DNAJC1: variants seen among roughly 807,000 people sequenced by gnomAD.
DNAJC1 encodes the protein dnaJ homolog subfamily C member 1.
In DNAJC1, 58 loss-of-function variants were observed where a neutral mutation model predicts 76.6. The observed-to-expected ratio is 0.76, with a 90% CI of 0.61 to 0.94. DNAJC1 has a LOEUF of 0.94. Among genes scored for constraint, DNAJC1 ranks in the 40% least tolerant of loss-of-function variants. The pLI is 0.00. For missense variants in DNAJC1, 689 were observed against 677.3 expected (o/e 1.02, Z -0.19); for synonymous variants, 258 against 267.9 (o/e 0.96, Z 0.36).
rs1277641057 is a variant in DNAJC1 at position 21,882,201 on chromosome 10, C to A, written c.978+81G>T. The A allele has an allele frequency of 3.1e-6, 4 of 1,302,646 alleles. No homozygotes were observed. The Admixed American group carries it at 1.1e-4, about 37-fold the overall frequency. 80.7% of individuals were successfully genotyped at this position (1,302,646 alleles called of 1,614,324 possible). On this transcript the variant is annotated intron_variant, in intron 8 of 11. Transcript: ENST00000376980. The stretch of plus-strand genomic sequence containing the variant: ...TTGTGAAGTGCAATAAAACAAAGCA[C>A]TATATCGTGAGCTAACCCTGTATTT...
At chr10:21,991,600 A>G (rs1333502949) in intron 1 of DNAJC1, among the ~76,000 whole-genome samples, 1 of 152,198 alleles carries the variant, frequency 6.6e-6, no homozygotes, top group Non-Finnish European at 1.5e-5. Flanking sequence ...CCCTAACAAA[A>G]TGGAAACAAT....
chr10:21,799,976 T>C lies in DNAJC1; in HGVS notation c.1098+6004A>G, dbSNP rs941465285. ...CTTTACTTTGGAGACATCTTATCCA[T>C]AGAAAGTTTAAAGATCTGTGTATGC... On this transcript the variant is annotated intron_variant, in intron 9 of 11. Transcript: ENST00000376980. 7.9e-5 allele frequency among the ~76,000 whole-genome samples: 12 copies of C among 152,154 alleles called. 1 individual carries two copies. Among genetic ancestry groups the C allele is most frequent in the South Asian group, 4.1e-4 (2 of 4,832 alleles).
intron 8 of DNAJC1, among the ~76,000 whole-genome samples, chr10:21,834,294 C>T (rs1221875025): frequency 8.6e-5 from 13 of 151,908 alleles, no homozygotes; most frequent in Admixed American, 8.5e-4. Flanking sequence ...GAAAGAGGGG[C>T]TCCCCAGTGA....
At chr10:21,853,346 T>A (rs1047144636) in intron 8 of DNAJC1, among the ~76,000 whole-genome samples, 18 of 152,218 alleles carry the variant, frequency 1.2e-4, no homozygotes, top group African/African-American at 4.3e-4. Context: ...AGAAAGTGAG[T>A]CTTTCATGGT....
intron 9 of DNAJC1, 109 bp from the exon 10 acceptor site, chr10:21,766,418 T>G: frequency 1.2e-6 from 1 of 827,906 alleles, no homozygotes. Context: ...CATTGGATCT[T>G]AGGCCTGAAA....
At chr10:21,931,636 C>T (rs1413080187) in intron 1 of DNAJC1, among the ~76,000 whole-genome samples, 1 of 152,156 alleles carries the variant, frequency 6.6e-6, no homozygotes, top group Non-Finnish European at 1.5e-5. Flanking sequence ...CATCCTTGAC[C>T]TGATAAACTA....
At chr10:21,868,247 C>T (rs917857489) in intron 8 of DNAJC1, among the ~76,000 whole-genome samples, 3 of 150,924 alleles carry the variant, frequency 2.0e-5, no homozygotes, top group African/African-American at 7.3e-5. Context: ...GCCTCAGCCT[C>T]CCGAGTAGCT....
chr10:21,990,351 C>T (rs1174897861), intron 1 of DNAJC1, among the ~76,000 whole-genome samples: 9 of 152,024 alleles, frequency 5.9e-5, no homozygotes, highest in Non-Finnish European at 1.3e-4. Flanking sequence ...AAACAAGTAG[C>T]CCCCTCAGTT....
rs147841990 is a variant in DNAJC1 at position 21,948,336 on chromosome 10, C to T, written c.223-19195G>A. ...GTATATTTACTACTTTGCAAGAATGCCAGAAATCATTGCACAAAATAATTT... is the reference window on the plus strand; with the variant it reads ...GTATATTTACTACTTTGCAAGAATGTCAGAAATCATTGCACAAAATAATTT... On this transcript the variant is annotated intron_variant, in intron 1 of 11. Transcript: ENST00000376980. Among the ~76,000 whole-genome samples the T allele has an allele frequency of 7.7e-3, 1,164 of 151,928 alleles. 18 individuals are homozygous for T. Among genetic ancestry groups the T allele is most frequent in the Middle Eastern group, 0.017 (5 of 294 alleles).
intron 1 of DNAJC1, among the ~76,000 whole-genome samples, chr10:21,965,986 G>C (rs1008435941): frequency 4.6e-5 from 7 of 152,238 alleles, no homozygotes; most frequent in African/African-American, 1.7e-4. Context: ...TTGGTTTTCA[G>C]ATCTCTGTGG....
intron 9 of DNAJC1, among the ~76,000 whole-genome samples, chr10:21,792,400 GA>G (rs1474549411): frequency 6.6e-6 from 1 of 152,118 alleles, no homozygotes; most frequent in African/African-American, 2.4e-5. Context: ...GCCAGACAAA[GA>G]CATCACAAGG....
At chr10:21,939,845 A>G (rs1031398742) in intron 1 of DNAJC1, among the ~76,000 whole-genome samples, 3 of 151,866 alleles carry the variant, frequency 2.0e-5, no homozygotes, top group Non-Finnish European at 2.9e-5. Context: ...TAAAAGCTCA[A>G]GCTAAACTCT....
chr10:21,872,309 A>G (rs568207913), intron 8 of DNAJC1, among the ~76,000 whole-genome samples: 1 of 152,264 alleles, frequency 6.6e-6, no homozygotes, highest in Admixed American at 6.5e-5. Context: ...ACCTCCGGTG[A>G]TCTGCCTGCC....
chr10:21,978,493 T>C (rs1281559411), intron 1 of DNAJC1, among the ~76,000 whole-genome samples: 29 of 152,090 alleles, frequency 1.9e-4, no homozygotes, highest in Admixed American at 1.9e-3. Flanking sequence ...CAGACAATGC[T>C]AGGGAATAGC....
chr10:21,761,048 C>T (rs1425095913), intron 10 of DNAJC1, among the ~76,000 whole-genome samples: 1 of 152,156 alleles, frequency 6.6e-6, no homozygotes, highest in South Asian at 2.1e-4. Flanking sequence ...GGCATGGTGG[C>T]GCATGCCTGT....
At chr10:22,000,097 CA>C (rs111460656) in intron 1 of DNAJC1, among the ~76,000 whole-genome samples, 12,589 of 152,096 alleles carry the variant, frequency 0.083, 1,221 homozygotes, top group African/African-American at 0.24. Flanking sequence ...TTACTGAAGC[CA>C]AAAATCTTTA....
intron 1 of DNAJC1, among the ~76,000 whole-genome samples, chr10:21,995,213 T>C (rs1032785198): frequency 3.9e-5 from 6 of 152,138 alleles, no homozygotes; most frequent in African/African-American, 1.2e-4. Flanking sequence ...TCCTTAAGTA[T>C]TGACTAGAAA....
intron 8 of DNAJC1, among the ~76,000 whole-genome samples, chr10:21,869,814 G>A (rs558307637): frequency 1.2e-4 from 18 of 152,160 alleles, no homozygotes; most frequent in Admixed American, 2.6e-4. Context: ...TCCTGGTTTT[G>A]ACATTGTACT....
At chr10:21,855,789 A>T (rs1026949612) in intron 8 of DNAJC1, among the ~76,000 whole-genome samples, 6 of 117,540 alleles carry the variant, frequency 5.1e-5, no homozygotes, top group African/African-American at 1.9e-4. Context: ...CCCCTACCCC[A>T]CCGCCACCCT....
Sources: gnomAD v4.1 joint callset for allele counts (sites outside exome capture counted in the v4.1 genomes callset) on GRCh38, gnomAD v4.1.1 for gene constraint, MANE v1.5 for transcripts, NCBI Gene and HGNC (gene_info 2026-07-23, HGNC 2026-07-21) for gene names.